CTNNA2: variants seen among roughly 807,000 people sequenced by gnomAD.
CTNNA2 encodes the protein catenin alpha 2.
A neutral mutation model predicts 101.0 loss-of-function variants in CTNNA2; 42 were observed. The observed-to-expected ratio is 0.42, with a 90% CI of 0.32 to 0.54. CTNNA2 has a LOEUF of 0.54. CTNNA2 is among the 20% of genes least tolerant of loss of function. CTNNA2 has a pLI of 0.14. For missense variants in CTNNA2, 871 were observed against 1,223.1 expected, an observed-to-expected ratio of 0.71 and a Z score of 4.29; for synonymous variants, 450 against 456.4, an observed-to-expected ratio of 0.99 and a Z score of 0.18.
intron 3 of CTNNA2, among the ~76,000 whole-genome samples, chr2:79,323,428 G>A (rs992776806): frequency 6.6e-6 from 1 of 152,000 alleles, no homozygotes; most frequent in East Asian, 1.9e-4. Flanking sequence ...GGTAATAAGA[G>A]CTTATAACAG....
At chr2:79,561,325 C>T (rs1455352982) in intron 1 of CTNNA2, among the ~76,000 whole-genome samples, 1 of 151,670 alleles carries the variant, frequency 6.6e-6, no homozygotes. Context: ...TCCATTCATC[C>T]CTTGATGGGC....
At chr2:80,080,948 T>TAAAA (rs79785271) in intron 7 of CTNNA2, among the ~76,000 whole-genome samples, 48 of 87,540 alleles carry the variant, frequency 5.5e-4, no homozygotes, top group Non-Finnish European at 6.1e-4. Context: ...TTCTCCCACT[T>TAAAA]AAAAAAAAAA....
At position 80,227,842 on chromosome 2, in the gene CTNNA2, C is replaced by G. The variant is rs556277791; in HGVS notation, c.1057-165369C>G. 4.0e-3 allele frequency among the ~76,000 whole-genome samples: 608 copies of G among 150,142 alleles called. 6 individuals are homozygous for G. Among genetic ancestry groups the G allele is most frequent in the African/African-American group, 0.014 (573 of 40,678 alleles). ...GTATAAAGACAAAATTCGAAAAAAA[C>G]AAAAAACAAAAAAAAACAACTATTA... On this transcript the variant is annotated intron_variant, in intron 7 of 18. Coordinates refer to ENST00000402739, the MANE Select transcript of CTNNA2 (RefSeq NM_001282597.3).
At chr2:80,355,893 A>G (rs1310513055) in intron 7 of CTNNA2, among the ~76,000 whole-genome samples, 2 of 152,030 alleles carry the variant, frequency 1.3e-5, no homozygotes, top group Admixed American at 6.6e-5. Context: ...TTCACCTTCC[A>G]TGGTCTATAT....
At chr2:79,588,778 G>T (rs1676660025) in intron 1 of CTNNA2, among the ~76,000 whole-genome samples, 1 of 152,142 alleles carries the variant, frequency 6.6e-6, no homozygotes. Flanking sequence ...GCCTCTTGGT[G>T]TAGGCATAGG....
rs146483777 is a variant in CTNNA2, at chr2:79,370,914, C to G, written c.-317-2917C>G. Among the ~76,000 whole-genome samples the G allele has an allele frequency of 6.7e-3, 1,024 of 152,260 alleles. 11 individuals carry two copies. The highest frequency in any genetic ancestry group is 0.02 in the African/African-American group (813 of 41,548). On this transcript the variant is annotated intron_variant, in intron 3 of 21. Transcript: ENST00000466387. ...CATCTCTTCCCTAAATAAATAAGCA[C>G]TTCCCTGAGTGCCTCAACTCCATTG...
intron 2 of CTNNA2, among the ~76,000 whole-genome samples, chr2:79,205,783 T>C (rs898186576): frequency 1.3e-5 from 2 of 152,206 alleles, no homozygotes; most frequent in Non-Finnish European, 2.9e-5. Context: ...AAATATCTTT[T>C]TCCTGATATG....
At chr2:80,227,424 G>C (rs1708950518) in intron 7 of CTNNA2, among the ~76,000 whole-genome samples, 1 of 152,204 alleles carries the variant, frequency 6.6e-6, no homozygotes, top group African/African-American at 2.4e-5. Flanking sequence ...GTCCACGTTT[G>C]TTCTGACTTC....
chr2:79,732,297 G>A (rs923080085), intron 2 of CTNNA2, among the ~76,000 whole-genome samples: 4 of 151,922 alleles, frequency 2.6e-5, no homozygotes, highest in African/African-American at 9.7e-5. Context: ...GAAGAGAATG[G>A]ATTTCTAGAA....
At chr2:79,260,230 G>A (rs537789923) in intron 2 of CTNNA2, among the ~76,000 whole-genome samples, 83 of 152,190 alleles carry the variant, frequency 5.5e-4, no homozygotes, top group Non-Finnish European at 8.5e-4. Context: ...ATTACTATCA[G>A]CTCAAGGAAG....
At chr2:79,651,531 T>G in intron 1 of CTNNA2, 21 bp from the exon 2 acceptor site, 1 of 1,589,652 alleles carries the variant, frequency 6.3e-7, no homozygotes, top group African/African-American at 1.3e-5. Context: ...TATTTCTAAC[T>G]GATTACATGT....
At chr2:80,635,933 G>A (rs796509093) in intron 18 of CTNNA2, among the ~76,000 whole-genome samples, 19 of 143,144 alleles carry the variant, frequency 1.3e-4, no homozygotes, top group African/African-American at 4.8e-4. Flanking sequence ...AGGGCTTAGA[G>A]TATTGACAAG....
At chr2:79,754,930 C>T (rs1228274360) in intron 3 of CTNNA2, among the ~76,000 whole-genome samples, 1 of 152,006 alleles carries the variant, frequency 6.6e-6, no homozygotes, top group Non-Finnish European at 1.5e-5. Flanking sequence ...AGAGGCAAAT[C>T]CTAGGTAAGA....
At chr2:79,314,121 G>T (rs571922959) in intron 3 of CTNNA2, among the ~76,000 whole-genome samples, 1 of 151,990 alleles carries the variant, frequency 6.6e-6, no homozygotes, top group East Asian at 1.9e-4. Flanking sequence ...TCTGCTTCAG[G>T]CCCTCTAGAC....
chr2:79,459,209 A>G (rs573679832), intron 4 of CTNNA2, among the ~76,000 whole-genome samples: 106 of 152,166 alleles, frequency 7.0e-4, no homozygotes, highest in Admixed American at 1.4e-3. Context: ...GTTACATTCA[A>G]CATCTAAGAC....
chr2:79,627,305 G>A (rs1407315680), intron 1 of CTNNA2, among the ~76,000 whole-genome samples: 2 of 152,224 alleles, frequency 1.3e-5, no homozygotes, highest in Admixed American at 1.3e-4. Flanking sequence ...ACAAGTTACA[G>A]TACGAATCCA....
intron 4 of CTNNA2, among the ~76,000 whole-genome samples, chr2:79,499,919 A>G (rs934141195): frequency 6.6e-6 from 1 of 152,234 alleles, no homozygotes. Flanking sequence ...AATATTGGCC[A>G]GCAGCCTGGA....
In CTNNA2 at chr2:80,258,538, C is replaced by T. The variant is rs556631622; in HGVS notation, c.1057-134673C>T. Among the ~76,000 whole-genome samples, 11 of 152,088 alleles carry T rather than the reference C, an allele frequency of 7.2e-5. No homozygotes were observed. The South Asian group carries it at 1.7e-3, about 23-fold the overall frequency. ...TGAGATTATGGTATTGCACTGGAGT[C>T]GAGACATATAGTCAAGCTAGGGAAT... On this transcript the variant is annotated intron_variant, in intron 7 of 18. Coordinates refer to ENST00000402739, the MANE Select transcript of CTNNA2 (RefSeq NM_001282597.3).
intron 7 of CTNNA2, among the ~76,000 whole-genome samples, chr2:80,316,934 G>A (rs1199179950): frequency 6.6e-6 from 1 of 152,128 alleles, no homozygotes; most frequent in Admixed American, 6.5e-5. Flanking sequence ...AAGACCATCT[G>A]GAAGAGAGAA....
Sources: allele counts gnomAD v4.1 joint callset (sites outside exome capture counted in the v4.1 genomes callset), GRCh38; gene constraint gnomAD v4.1.1; transcripts MANE v1.5; gene names NCBI Gene and HGNC (gene_info 2026-07-23, HGNC 2026-07-21).